ADRM1: variants seen among roughly 807,000 people sequenced by gnomAD.
ADRM1 encodes the protein ADRM1 26S proteasome ubiquitin receptor.
ADRM1 carries 2 observed loss-of-function variants against 40.1 expected under a neutral mutation model. The ratio of observed to expected loss-of-function variants is 0.05; its 90% CI spans 0.02 to 0.16. ADRM1 has a LOEUF of 0.16. Among genes scored for constraint, ADRM1 ranks in the 10% least tolerant of loss-of-function variants. The probability of loss-of-function intolerance (pLI) is 1.00; values close to 1 mark genes in which losing one functional copy is unlikely to be tolerated. For missense variants in ADRM1, 467 were observed against 552.5 expected (o/e 0.85, Z 1.55); for synonymous variants, 287 against 240.4 (o/e 1.19, Z -1.79).
In ADRM1 at chr20:62,308,725, C is replaced by T; in HGVS notation, c.1188C>T (p.Asp396=). The T allele has an allele frequency of 6.2e-7, 1 of 1,613,064 alleles. No homozygotes were observed. Among genetic ancestry groups the T allele is most frequent in the Non-Finnish European group, 8.5e-7 (1 of 1,179,988 alleles). Residue 396 remains aspartate (D), a synonymous_variant, in exon 10 of 10, where the codon GAC becomes GAT. Transcript: ENST00000253003. ...AGCAGAAAGAGGGCGACACGAAGGA[C>T]AAGAAGGACGAAGAGGAGGACATGA... is the stretch of plus-strand genomic sequence containing the variant. The part of the protein sequence containing the change: ...KPEQKEGDTK[D]KKDEEEDMSL...
At chr20:62,303,267 G>A (rs1342147059) in intron 1 of ADRM1, 6 of 241,030 alleles carry the variant, frequency 2.5e-5, no homozygotes, top group Non-Finnish European at 3.2e-5. Flanking sequence ...AGCTCGGGCG[G>A]GTCTGCCCCG....
At chr20:62,308,540 C>T (rs765798952) in intron 9 of ADRM1, 70 bp downstream of exon 9, 64 of 1,558,728 alleles carry the variant, frequency 4.1e-5, no homozygotes, top group Middle Eastern at 3.3e-4. Context: ...CCTGGATCTG[C>T]AGAAGTGGGG....
At chr20:62,305,805 C>T (rs989962899) in intron 3 of ADRM1, 36 of 230,628 alleles carry the variant, frequency 1.6e-4, no homozygotes, top group Middle Eastern at 1.6e-3. Context: ...GTGTGCTGAG[C>T]GGGCCAGTTC....
rs759676528 is a variant in ADRM1, at chr20:62,307,586, C to T, written c.624-10C>T. ...CGTGTCCGCTCCAGCGGTGCCCTCT[C>T]TCTTCGCAGCTCCCGGAGCCAGTCG... is the stretch of plus-strand genomic sequence containing the variant. On this transcript the variant is annotated splice_polypyrimidine_tract_variant and intron_variant, in intron 6 of 9. Coordinates refer to ENST00000253003, the MANE Select transcript of ADRM1 (RefSeq NM_007002.4). 5 of 1,608,852 alleles carry T rather than the reference C, an allele frequency of 3.1e-6. No individual in the cohort carries two copies. The highest frequency in any genetic ancestry group is 3.4e-6 in the Non-Finnish European group (4 of 1,178,974).
Position 62,308,437 on chromosome 20 carries a change from C to T in ADRM1, c.1084C>T (p.Pro362Ser). The T allele has an allele frequency of 6.2e-7, 1 of 1,609,266 alleles. No homozygotes were observed. The highest frequency in any genetic ancestry group is 8.5e-7 in the Non-Finnish European group (1 of 1,178,958). Residue 362 changes from proline to serine, a missense_variant, in exon 9 of 10, where the codon CCT becomes TCT. Physicochemically the swap from Pro to Ser is moderately conservative, Grantham distance 74. Around this residue, in one of 3 missense-constraint regions of ADRM1, gnomAD observed 418 missense variants for 474.6 expected, o/e 0.88. Transcript: ENST00000253003. ...CCCCCTCATGTGCCAGTTCGGTCTGCCTGCAGAGGCTGTGGAGGCCGCCAA... is the reference window on the plus strand; with the variant it reads ...CCCCCTCATGTGCCAGTTCGGTCTGTCTGCAGAGGCTGTGGAGGCCGCCAA... Reference protein sequence around the residue: ...LGPLMCQFGLPAEAVEAANKG... With the variant: ...LGPLMCQFGLSAEAVEAANKG...
Position 62,308,462 on chromosome 20 carries a change from A to G in ADRM1, c.1109A>G (p.Asn370Ser), listed in dbSNP as rs1131931. The G allele has an allele frequency of 3.1e-6, 5 of 1,604,674 alleles. No homozygotes were observed. The highest frequency in any genetic ancestry group is 1.3e-5 in the African/African-American group (1 of 75,024). The change falls in exon 9 of 10, where the codon AAC becomes AGC. Residue 370 changes from asparagine (N) to serine (S), a missense_variant. By Grantham distance (46) the Asn-to-Ser change is conservative. Coordinates refer to ENST00000253003, the MANE Select transcript of ADRM1 (RefSeq NM_007002.4). ...GLPAEAVEAA[N>S]KGDVEAFAKA... Reference sequence around the variant, plus strand: ...CCTGCAGAGGCTGTGGAGGCCGCCAACAAGGGCGGTAAGTGGCTGCGCCTG... The same window carrying G: ...CCTGCAGAGGCTGTGGAGGCCGCCAGCAAGGGCGGTAAGTGGCTGCGCCTG...
In ADRM1 at chr20:62,307,360, G is replaced by A; in HGVS notation, c.542-11G>A. 1 of 1,598,334 alleles carries A rather than the reference G, an allele frequency of 6.3e-7. No homozygotes were observed. Among genetic ancestry groups the A allele is most frequent in the Non-Finnish European group, 8.5e-7 (1 of 1,175,204 alleles). On this transcript the variant is annotated splice_polypyrimidine_tract_variant and intron_variant, in intron 5 of 9. Transcript: ENST00000253003. ...GGGCATCCTGAGCTCGCATTTCCTTGCCCCTCGCAGGTGGGCTGGGGGCCC... is the reference window on the plus strand; with the variant it reads ...GGGCATCCTGAGCTCGCATTTCCTTACCCCTCGCAGGTGGGCTGGGGGCCC...
rs571175555 is a variant in ADRM1, at chr20:62,304,134, A to G, written c.214-327A>G. 3.2e-5 allele frequency: 15 copies of G among 472,190 alleles called. 1 individual carries two copies. The highest frequency in any genetic ancestry group is 2.5e-4 in the African/African-American group (13 of 51,448). The allele number at this position is 472,190 out of a possible 1,614,324, so 29.3% of individuals were successfully genotyped here. ...TTCACTCAGTCTTCTTTGTTTTTCA[A>G]ACTCTTAGTTGTTCTTTGTTACATT... On this transcript the variant is annotated intron_variant, in intron 2 of 9. Transcript: ENST00000253003.
chr20:62,303,815 C>T (rs770305093), intron 2 of ADRM1, 34 bp downstream of exon 2: 4 of 1,594,750 alleles, frequency 2.5e-6, no homozygotes, highest in African/African-American at 2.7e-5. Flanking sequence ...GCAGGACAGG[C>T]GACTTCTCGG....
intron 3 of ADRM1, among the ~76,000 whole-genome samples, chr20:62,305,139 C>T (rs575711556): frequency 6.6e-6 from 1 of 152,200 alleles, no homozygotes; most frequent in Non-Finnish European, 1.5e-5. Flanking sequence ...CTGTTACAGG[C>T]AGTGTTGCAA....
chr20:62,308,806 C>T lies in ADRM1; in HGVS notation c.*45C>T, dbSNP rs755865545. On this transcript the variant is annotated 3_prime_UTR_variant, in exon 10 of 10. Coordinates refer to ENST00000253003, the MANE Select transcript of ADRM1 (RefSeq NM_007002.4). ...GGAACTGGGCGCTTGCAGTGCGTTGCACACCCTCACCTCCCACCCACTGAT... is the reference window on the plus strand; with the variant it reads ...GGAACTGGGCGCTTGCAGTGCGTTGTACACCCTCACCTCCCACCCACTGAT... 7 of 1,604,054 alleles carry T rather than the reference C, an allele frequency of 4.4e-6. No individual in the cohort carries two copies. The highest frequency in any genetic ancestry group is 1.7e-6 in the Non-Finnish European group (2 of 1,175,772).
chr20:62,307,337 G>A (rs779105748), intron 5 of ADRM1, 34 bp from the exon 6 acceptor site: 11 of 1,585,546 alleles, frequency 6.9e-6, no homozygotes, highest in African/African-American at 6.8e-5. Context: ...GGGCTAGAGG[G>A]CATCCTGAGC....
rs1350451218 is a variant in ADRM1 at position 62,307,701 on chromosome 20, C to T, written c.729C>T (p.Ser243=). The change falls in exon 7 of 10, where the codon AGC becomes AGT. Residue 243 remains serine, a synonymous_variant. Transcript: ENST00000253003. ...CAGCTGCCTCAGCAACTAGCCCGAG[C>T]CCCGCGCCCAGTTCCGGGAATGGAG... is the stretch of plus-strand genomic sequence containing the variant. ...APAAASATSP[S]PAPSSGNGAS... The T allele has an allele frequency of 1.2e-6, 2 of 1,612,120 alleles. No individual in the cohort carries two copies. Among genetic ancestry groups the T allele is most frequent in the African/African-American group, 2.7e-5 (2 of 74,934 alleles).
Position 62,308,728 on chromosome 20 carries a change from G to C in ADRM1, c.1191G>C (p.Lys397Asn). 1 of 1,613,080 alleles carries C rather than the reference G, an allele frequency of 6.2e-7. No individual in the cohort carries two copies. Among genetic ancestry groups the C allele is most frequent in the Non-Finnish European group, 8.5e-7 (1 of 1,179,984 alleles). ...AGAAAGAGGGCGACACGAAGGACAA[G>C]AAGGACGAAGAGGAGGACATGAGCC... ...PEQKEGDTKDKKDEEEDMSLD is the reference protein window; with the variant it reads ...PEQKEGDTKDNKDEEEDMSLD The change falls in exon 10 of 10, where the codon AAG becomes AAC. Residue 397 changes from lysine to asparagine, a missense_variant. Lys to Asn is a moderately conservative substitution (Grantham distance 94). Transcript: ENST00000253003.
chr20:62,307,910 C>T lies in ADRM1; in HGVS notation c.856+82C>T, dbSNP rs547463805. The T allele has an allele frequency of 1.7e-5, 26 of 1,546,106 alleles. 1 individual carries two copies. The highest frequency in any genetic ancestry group is 2.4e-5 in the East Asian group (1 of 42,368). On this transcript the variant is annotated intron_variant, in intron 7 of 9. Transcript: ENST00000253003. ...CACGCTCACCTTCCAAGGCATCTGC[C>T]TAGTGTGCGCGCCTGGGGTGCTGGG...
intron 8 of ADRM1, 86 bp from the exon 9 acceptor site, chr20:62,308,282 C>G: frequency 3.9e-6 from 6 of 1,537,984 alleles, no homozygotes; most frequent in East Asian, 4.7e-5. Flanking sequence ...CTTCATGTGC[C>G]TGACCCGCAG....
Position 62,307,691 on chromosome 20 carries a change from C to G in ADRM1, c.719C>G (p.Thr240Ser), listed in dbSNP as rs79836754. 12 of 1,612,174 alleles carry G rather than the reference C, an allele frequency of 7.4e-6. No individual in the cohort carries two copies. The highest frequency in any genetic ancestry group is 1.6e-4 in the Middle Eastern group (1 of 6,084). ...APSAPAAASATSPSPAPSSGN... is the reference protein window; with the variant it reads ...APSAPAAASASSPSPAPSSGN... The stretch of plus-strand genomic sequence containing the variant: ...TCTGCTCCAGCAGCTGCCTCAGCAA[C>G]TAGCCCGAGCCCCGCGCCCAGTTCC... The change falls in exon 7 of 10, where the codon ACT becomes AGT. Residue 240 changes from threonine (T) to serine (S), a missense_variant. Thr to Ser is a moderately conservative substitution (Grantham distance 58). Coordinates refer to ENST00000253003, the MANE Select transcript of ADRM1 (RefSeq NM_007002.4).
intron 2 of ADRM1, 78 bp from the exon 3 acceptor site, chr20:62,304,383 G>A (rs964711781): frequency 1.6e-6 from 2 of 1,283,206 alleles, no homozygotes; most frequent in African/African-American, 2.9e-5. Context: ...GTTAGACCCA[G>A]GGCTCAGTAC....
rs780767547 is a variant in ADRM1, at chr20:62,306,206, A to C, written c.340A>C (p.Thr114Pro). ...RLFFWMQEPKTDQDEEHCRKV... is the reference protein window; with the variant it reads ...RLFFWMQEPKPDQDEEHCRKV... ...GCCCTTCCTCTTGCAGGAACCCAAG[A>C]CAGACCAGGATGAGGAGCATTGCCG... The change falls in exon 4 of 10, where the codon ACA (threonine) becomes CCA (proline). Residue 114 changes from threonine to proline, a missense_variant. Thr to Pro is a conservative substitution (Grantham distance 38, BLOSUM62 -1). Coordinates refer to ENST00000253003, the MANE Select transcript of ADRM1 (RefSeq NM_007002.4). The C allele has an allele frequency of 1.2e-6, 2 of 1,612,738 alleles. No homozygotes were observed. Among genetic ancestry groups the C allele is most frequent in the Non-Finnish European group, 1.7e-6 (2 of 1,179,562 alleles).
Sources: gnomAD v4.1 joint callset for allele counts (sites outside exome capture counted in the v4.1 genomes callset) on GRCh38, gnomAD v4.1.1 for gene constraint, gnomAD v4.1.1 regional missense constraint, MANE v1.5 for transcripts, NCBI Gene and HGNC (gene_info 2026-07-23, HGNC 2026-07-21) for gene names.